KCNAB1: variants seen among roughly 807,000 people sequenced by gnomAD.
The protein encoded by KCNAB1 is potassium voltage-gated channel subfamily A regulatory beta subunit 1, also known as voltage-gated potassium channel subunit beta-1.
In KCNAB1, 35 loss-of-function variants were observed where a neutral mutation model predicts 64.6. That is an observed-to-expected ratio of 0.54 (90% CI 0.41 to 0.72). KCNAB1 has a LOEUF of 0.72. KCNAB1 is among the 30% of genes least tolerant of loss of function. The pLI, the probability that KCNAB1 is intolerant of heterozygous loss-of-function variation, is 0.00. For synonymous variants in KCNAB1, 177 were observed against 183.8 expected (o/e 0.96, Z 0.30); for missense variants, 401 against 512.9 (o/e 0.78, Z 2.11).
intron 7 of KCNAB1, among the ~76,000 whole-genome samples, chr3:156,469,213 C>T (rs1188073846): frequency 1.4e-5 from 2 of 144,344 alleles, no homozygotes; most frequent in African/African-American, 2.5e-5. Context: ...AGAGTGTGTA[C>T]ATAATTTCAG....
At chr3:156,201,559 C>T (rs150254419) in intron 1 of KCNAB1, among the ~76,000 whole-genome samples, 9 of 152,340 alleles carry the variant, frequency 5.9e-5, no homozygotes, top group Non-Finnish European at 8.8e-5. Flanking sequence ...AGTTCTGCTC[C>T]AGCAGCAGTG....
intron 1 of KCNAB1, among the ~76,000 whole-genome samples, chr3:156,129,254 C>T (rs913985176): frequency 2.6e-5 from 4 of 152,064 alleles, no homozygotes; most frequent in Admixed American, 6.6e-5. Context: ...CTTTTTGAGC[C>T]TTCGTTATTC....
intron 2 of KCNAB1, among the ~76,000 whole-genome samples, chr3:156,437,083 TGAA>T (rs895873611): frequency 1.2e-4 from 18 of 152,222 alleles, no homozygotes; most frequent in African/African-American, 4.1e-4. Flanking sequence ...TTTTTAAAAT[TGAA>T]GTTTATACTT....
In KCNAB1 at chr3:156,283,651, G is replaced by A. The variant is rs1719888360; in HGVS notation, c.276-137965G>A. ...TTCACATAGTCCCATATTTCTTGGA[G>A]GCTTTGCTCATTTCTTTTTATTCTT... On this transcript the variant is annotated intron_variant, in intron 1 of 13. Transcript: ENST00000490337. 2.0e-5 allele frequency among the ~76,000 whole-genome samples: 3 copies of A among 151,766 alleles called. 1 individual carries two copies. Among genetic ancestry groups the A allele is most frequent in the Admixed American group, 2.0e-4 (3 of 15,250 alleles).
chr3:156,441,338 T>G lies in KCNAB1; in HGVS notation c.320-11561T>G, dbSNP rs544005409. On this transcript the variant is annotated intron_variant, in intron 2 of 13. Transcript: ENST00000490337. ...AAGGTAAAGATTTGACATTAGCTTTTCACAGACAAAAGAAAGCATAAAAGA... is the reference window on the plus strand; with the variant it reads ...AAGGTAAAGATTTGACATTAGCTTTGCACAGACAAAAGAAAGCATAAAAGA... The G allele has an allele frequency of 5.9e-5, 9 of 152,254 alleles. No homozygotes were observed. In the South Asian group the frequency reaches 1.9e-3, roughly 32 times the overall value. The allele number at this position is 152,254 out of a possible 1,614,324, so 9.4% of individuals were successfully genotyped here.
chr3:156,453,001 G>A (rs1306195952), intron 3 of KCNAB1, 65 bp downstream of exon 3: 17 of 1,109,174 alleles, frequency 1.5e-5, no homozygotes, highest in Non-Finnish European at 2.3e-5. Flanking sequence ...TATTGCAGGA[G>A]TCCTCTTCCT....
intron 1 of KCNAB1, among the ~76,000 whole-genome samples, chr3:156,261,924 A>G (rs1224241721): frequency 1.3e-5 from 2 of 152,020 alleles, no homozygotes; most frequent in Non-Finnish European, 2.9e-5. Flanking sequence ...ATCAGTATGC[A>G]AAATTTGTAC....
chr3:156,536,717 G>A lies in KCNAB1; in HGVS notation c.1230G>A (p.Lys410=). 6.2e-7 allele frequency: 1 copy of A among 1,612,972 alleles called. No individual in the cohort carries two copies. The highest frequency in any genetic ancestry group is 1.6e-4 in the Middle Eastern group (1 of 6,062). ...AGATTGATAACATACTGCGCAACAA[G>A]CCCTACAGCAAGAAGGACTATAGAT... ...VNEIDNILRN[K]PYSKKDYRS is the part of the protein sequence containing the mutation. The change falls in exon 14 of 14, where the codon AAG becomes AAA. Residue 410 remains lysine (K), a synonymous_variant. Transcript: ENST00000490337.
intron 1 of KCNAB1, 130 bp from the exon 2 acceptor site, chr3:156,421,486 C>A: frequency 3.6e-6 from 3 of 823,718 alleles, no homozygotes; most frequent in Middle Eastern, 2.4e-4. Context: ...GACAATATGC[C>A]GGCATCTGTG....
At chr3:156,171,988 A>G (rs935684308) in intron 1 of KCNAB1, among the ~76,000 whole-genome samples, 1 of 152,240 alleles carries the variant, frequency 6.6e-6, no homozygotes, top group Admixed American at 6.5e-5. Context: ...GAGAAATCTT[A>G]TCACACACAC....
chr3:156,267,189 A>G (rs1454625247), intron 1 of KCNAB1, among the ~76,000 whole-genome samples: 1 of 152,152 alleles, frequency 6.6e-6, no homozygotes, highest in Admixed American at 6.5e-5. Context: ...TACACTGTAC[A>G]TATTATTTTG....
rs1159359839 is a variant in KCNAB1 at position 156,463,747 on chromosome 3, G to A, written c.527+1G>A. 2.6e-5 allele frequency: 41 copies of A among 1,601,296 alleles called. No homozygotes were observed. The highest frequency in any genetic ancestry group is 3.4e-5 in the Non-Finnish European group (40 of 1,175,460). ...CAACCAAACTCTACTGGGGTGGAAA[G>A]TAAGTTATTTTTCCTACTAAACAGA... On this transcript the variant is annotated splice_donor_variant, in intron 6 of 13. Transcript: ENST00000490337. LOFTEE classifies it high-confidence loss of function.
intron 1 of KCNAB1, among the ~76,000 whole-genome samples, chr3:156,251,136 T>C (rs1001557437): frequency 6.6e-6 from 1 of 152,332 alleles, no homozygotes; most frequent in Middle Eastern, 3.4e-3. Context: ...AAAAACCTGA[T>C]GCTAGAAGAC....
intron 2 of KCNAB1, among the ~76,000 whole-genome samples, chr3:156,447,415 T>A (rs1711643158): frequency 6.6e-6 from 1 of 152,150 alleles, no homozygotes. Flanking sequence ...ATAAACTAAG[T>A]ACAACACCTG....
intron 1 of KCNAB1, among the ~76,000 whole-genome samples, chr3:156,134,646 A>G (rs912192300): frequency 1.3e-5 from 2 of 152,254 alleles, no homozygotes; most frequent in Admixed American, 6.5e-5. Flanking sequence ...AAATGCTGAA[A>G]TTACTTCAAG....
At position 156,504,760 on chromosome 3, in the gene KCNAB1, T is replaced by G. The variant is rs563432636; in HGVS notation, c.659-9604T>G. Among the ~76,000 whole-genome samples the G allele has an allele frequency of 2.6e-5, 4 of 151,312 alleles. No individual in the cohort carries two copies. In the South Asian group the frequency reaches 6.2e-4, roughly 24 times the overall value. On this transcript the variant is annotated intron_variant, in intron 8 of 13. Transcript: ENST00000490337. ...TGTTTTTGTTTTTTTTGTTTTTTTT[T>G]TTTTGCTGCTGAGTTGTTTGAATTC...
chr3:156,218,923 C>T (rs1398684138), intron 1 of KCNAB1, among the ~76,000 whole-genome samples: 1 of 151,808 alleles, frequency 6.6e-6, no homozygotes, highest in Admixed American at 6.6e-5. Flanking sequence ...AACACCACAT[C>T]AAGGGAGCAC....
At chr3:156,476,520 T>C (rs893502070) in intron 8 of KCNAB1, among the ~76,000 whole-genome samples, 15 of 111,264 alleles carry the variant, frequency 1.3e-4, no homozygotes, top group Non-Finnish European at 2.3e-4. Flanking sequence ...TATATATATA[T>C]ATACACACAC....
chr3:156,463,761 C>T lies in KCNAB1; in HGVS notation c.527+15C>T, dbSNP rs764947632. On this transcript the variant is annotated intron_variant, in intron 6 of 13. Coordinates refer to ENST00000490337, the MANE Select transcript of KCNAB1 (RefSeq NM_172160.3). ...TGGGGTGGAAAGTAAGTTATTTTTC[C>T]TACTAAACAGAAAACAACTAGTAGT... is the stretch of plus-strand genomic sequence containing the variant. 1.3e-6 allele frequency: 2 copies of T among 1,595,080 alleles called. No homozygotes were observed. Among genetic ancestry groups the T allele is most frequent in the Admixed American group, 1.8e-5 (1 of 56,720 alleles).
Sources: gnomAD v4.1 joint callset for allele counts (sites outside exome capture counted in the v4.1 genomes callset) on GRCh38, gnomAD v4.1.1 for gene constraint, MANE v1.5 for transcripts, NCBI Gene and HGNC (gene_info 2026-07-23, HGNC 2026-07-21) for gene names.